Variants in GNAL observed in about 807,000 individuals in gnomAD.
The protein encoded by GNAL is guanine nucleotide-binding protein G(olf) subunit alpha.
A neutral mutation model predicts 55.1 loss-of-function variants in GNAL; 18 were observed. That is an observed-to-expected ratio of 0.33 (90% confidence interval 0.23 to 0.48). The LOEUF is 0.48. Ranked by LOEUF, GNAL falls within the 20% of genes least tolerant of loss-of-function variation. The pLI is 0.99. For synonymous variants in GNAL, 253 were observed against 237.0 expected (o/e 1.07, Z -0.62); for missense variants, 412 against 614.1 (o/e 0.67, Z 3.48).
rs1046247953 is a variant in GNAL at position 11,752,832 on chromosome 18, G to T, written c.377-21G>T. 1 of 1,561,986 alleles carries T rather than the reference G, an allele frequency of 6.4e-7. No individual in the cohort carries two copies. Among genetic ancestry groups the T allele is most frequent in the Non-Finnish European group, 8.8e-7 (1 of 1,132,652 alleles). ...GCGATATCCGGACACAGATCACAGCGTTCTTTCTGTTTGTTTGCAGGGGCT... is the reference window on the plus strand; with the variant it reads ...GCGATATCCGGACACAGATCACAGCTTTCTTTCTGTTTGTTTGCAGGGGCT... On this transcript the variant is annotated intron_variant, in intron 1 of 11. Transcript: ENST00000334049. This position sits in a 1 kb window ranked among gnomAD's most constrained non-coding sequence, Gnocchi z 4.5.
At chr18:11,746,010 G>A (rs1332771162) in intron 1 of GNAL, 1 of 309,958 alleles carries the variant, frequency 3.2e-6, no homozygotes, top group African/African-American at 2.2e-5. Flanking sequence ...GATACCTAGG[G>A]AGTCGGGTTT....
intron 1 of GNAL, among the ~76,000 whole-genome samples, chr18:11,713,935 T>C (rs1046281869): frequency 6.6e-5 from 10 of 152,296 alleles, no homozygotes; most frequent in African/African-American, 2.4e-4. Flanking sequence ...CACACTGAGG[T>C]CTAAAGGGCG....
At chr18:11,783,564 C>T (rs766643172) in intron 4 of GNAL, among the ~76,000 whole-genome samples, 20 of 152,184 alleles carry the variant, frequency 1.3e-4, no homozygotes, top group Non-Finnish European at 1.6e-4. Flanking sequence ...ATCCTCACTC[C>T]AGCACTGACC....
chr18:11,715,263 T>C (rs543622543), intron 1 of GNAL, among the ~76,000 whole-genome samples: 25 of 150,854 alleles, frequency 1.7e-4, no homozygotes, highest in African/African-American at 5.9e-4. Context: ...ATCGAGACCA[T>C]CCTGGCTAAC....
rs1360821822 is a variant in GNAL at position 11,752,756 on chromosome 18, C to T, written c.377-97C>T. ...CAGGAACCCGCGTGTAGGAAATCCC[C>T]GTGCTGGGGGAGGAGGATTGCTCAG... On this transcript the variant is annotated intron_variant, in intron 1 of 11. Coordinates refer to ENST00000334049, the MANE Select transcript of GNAL (RefSeq NM_182978.4). This position sits in a 1 kb window ranked among gnomAD's most constrained non-coding sequence, Gnocchi z 4.5. The T allele has an allele frequency of 3.5e-6, 4 of 1,153,188 alleles. No individual in the cohort carries two copies. The East Asian group carries it at 7.4e-5, about 21-fold the overall frequency. 71.4% of individuals were successfully genotyped at this position (1,153,188 alleles called of 1,614,324 possible).
At chr18:11,728,303 T>C (rs2032257922) in intron 1 of GNAL, among the ~76,000 whole-genome samples, 1 of 152,132 alleles carries the variant, frequency 6.6e-6, no homozygotes, top group South Asian at 2.1e-4. Flanking sequence ...GGCATGATTG[T>C]TGTCTCATTT....
chr18:11,735,225 G>GT (rs1163589490), intron 1 of GNAL, among the ~76,000 whole-genome samples: 1 of 151,626 alleles, frequency 6.6e-6, no homozygotes, highest in East Asian at 2.0e-4. Context: ...TAATTTTTGT[G>GT]TTTTTGGTAG....
intron 1 of GNAL, among the ~76,000 whole-genome samples, chr18:11,715,304 AC>A (rs2031933276): frequency 1.3e-5 from 2 of 151,552 alleles, no homozygotes; most frequent in African/African-American, 2.4e-5. Flanking sequence ...CTAAAAAAAT[AC>A]AAAAAATTAG....
chr18:11,851,123 C>G (rs1330932657), intron 5 of GNAL, among the ~76,000 whole-genome samples: 1 of 152,212 alleles, frequency 6.6e-6, no homozygotes, highest in Non-Finnish European at 1.5e-5. Flanking sequence ...CTCCACAGAT[C>G]CTGTCTACTT....
At position 11,769,063 on chromosome 18, in the gene GNAL, TATA is replaced by T. The variant is rs1183998787; in HGVS notation, c.624+15122_624+15124del. On this transcript the variant is annotated intron_variant, in intron 4 of 11. Transcript: ENST00000334049. Reference sequence around the variant, plus strand: ...AATATATAATATATATAATATATATTATAATATAGATTATATAAATTATATGTA... The same window carrying T: ...AATATATAATATATATAATATATATTATATAGATTATATAAATTATATGTA... Among the ~76,000 whole-genome samples the T allele has an allele frequency of 6.5e-5, 6 of 91,734 alleles. 1 individual carries two copies. Among genetic ancestry groups the T allele is most frequent in the Admixed American group, 2.6e-4 (2 of 7,808 alleles). 60.2% of individuals were successfully genotyped at this position (91,734 alleles called of 152,430 possible).
intron 4 of GNAL, among the ~76,000 whole-genome samples, chr18:11,790,666 T>C (rs536980821): frequency 1.4e-5 from 2 of 143,476 alleles, no homozygotes; most frequent in African/African-American, 5.1e-5. Context: ...TTTTTCTTTT[T>C]TTTTTTTTTT....
At position 11,732,374 on chromosome 18, in the gene GNAL, T is replaced by C. The variant is rs971990770; in HGVS notation, c.377-20479T>C. Among the ~76,000 whole-genome samples, 2 of 152,254 alleles carry C rather than the reference T, an allele frequency of 1.3e-5. 1 individual carries two copies. The highest frequency in any genetic ancestry group is 4.1e-4 in the South Asian group (2 of 4,836). On this transcript the variant is annotated intron_variant, in intron 1 of 11. Coordinates refer to ENST00000334049, the MANE Select transcript of GNAL (RefSeq NM_182978.4). ...TTTTTATTGTAGCCATCCTAGTGGA[T>C]GTGAGATGTTATTCACTGTGCTTTT...
chr18:11,790,931 A>G (rs2034218005), intron 4 of GNAL, among the ~76,000 whole-genome samples: 1 of 152,150 alleles, frequency 6.6e-6, no homozygotes, highest in South Asian at 2.1e-4. Context: ...TTCTGGGATT[A>G]CAGGCGTGAG....
intron 5 of GNAL, among the ~76,000 whole-genome samples, chr18:11,843,456 T>C (rs1413652996): frequency 2.0e-5 from 3 of 149,786 alleles, no homozygotes; most frequent in Non-Finnish European, 3.0e-5. Flanking sequence ...AGCAGGGAGG[T>C]GGAGGTTGCA....
intron 1 of GNAL, among the ~76,000 whole-genome samples, chr18:11,730,031 C>CTTTTTTTTTTTTTTTTTTTTTTTTT (rs1431492708): frequency 6.6e-6 from 1 of 151,434 alleles, no homozygotes; most frequent in African/African-American, 2.4e-5. Flanking sequence ...TTTTTCTTTT[C>CTTTTTTTTTTTTTTTTTTTTTTTTT]TTTTCTTTTC....
intron 1 of GNAL, among the ~76,000 whole-genome samples, chr18:11,692,301 G>A (rs1294931291): frequency 6.6e-6 from 1 of 152,162 alleles, no homozygotes; most frequent in Admixed American, 6.5e-5. Context: ...CATAAACCTA[G>A]CTGTTGTATC....
At chr18:11,857,964 A>G (rs112545212) in intron 5 of GNAL, among the ~76,000 whole-genome samples, 9 of 152,328 alleles carry the variant, frequency 5.9e-5, no homozygotes, top group Middle Eastern at 3.4e-3. Flanking sequence ...TCCAATTGCT[A>G]TATGTTTTCA....
intron 4 of GNAL, among the ~76,000 whole-genome samples, chr18:11,820,936 A>G (rs533655973): frequency 1.3e-5 from 2 of 152,350 alleles, no homozygotes; most frequent in South Asian, 2.1e-4. Context: ...GAAATTCTGT[A>G]TCTTCATTCT....
intron 5 of GNAL, among the ~76,000 whole-genome samples, chr18:11,841,443 C>G (rs1403744529): frequency 3.3e-5 from 5 of 151,974 alleles, no homozygotes; most frequent in African/African-American, 4.8e-5. Flanking sequence ...GTCAGGAGTT[C>G]AAGACCAGCC....
Sources: allele counts gnomAD v4.1 joint callset (sites outside exome capture counted in the v4.1 genomes callset), GRCh38; gene constraint gnomAD v4.1.1; non-coding constraint Gnocchi (gnomAD v3.1); transcripts MANE v1.5; gene names NCBI Gene and HGNC (gene_info 2026-07-23, HGNC 2026-07-21).